The following SCAI variants were observed in gnomAD, a reference collection of about 807,000 sequenced individuals.
The protein encoded by SCAI is protein SCAI.
In SCAI, 24 loss-of-function variants were observed where a neutral mutation model predicts 92.2. The observed-to-expected ratio is 0.26, with a 90% CI of 0.19 to 0.37. SCAI has a LOEUF of 0.37. SCAI is among the 10% of genes least tolerant of loss of function. The pLI is 1.00. For missense variants in SCAI, 450 were observed against 736.2 expected, an observed-to-expected ratio of 0.61 and a Z score of 4.50; for synonymous variants, 261 against 258.6, an observed-to-expected ratio of 1.01 and a Z score of -0.09.
At chr9:125,054,499 C>A (rs1588181759) in intron 3 of SCAI, among the ~76,000 whole-genome samples, 3 of 144,214 alleles carry the variant, frequency 2.1e-5, no homozygotes, top group African/African-American at 2.6e-5. Flanking sequence ...TACTGGGTGC[C>A]AATTAAATGT....
intron 2 of SCAI, among the ~76,000 whole-genome samples, chr9:125,064,667 G>C (rs970979998): frequency 1.3e-5 from 2 of 152,062 alleles, no homozygotes; most frequent in African/African-American, 4.8e-5. Context: ...CCAACATAGT[G>C]AAATCCCGTC....
At chr9:124,992,734 C>T (rs1832154623) in intron 14 of SCAI, among the ~76,000 whole-genome samples, 1 of 152,142 alleles carries the variant, frequency 6.6e-6, no homozygotes, top group Non-Finnish European at 1.5e-5. Context: ...TTTATTTCTT[C>T]AGAGGAGTGA....
chr9:125,093,541 C>T (rs1834484403), intron 2 of SCAI, among the ~76,000 whole-genome samples: 1 of 151,616 alleles, frequency 6.6e-6, no homozygotes, highest in Non-Finnish European at 1.5e-5. Context: ...TGGCTTTACA[C>T]ACCAACTGGA....
chr9:125,021,265 G>A (rs1438532383), intron 6 of SCAI, among the ~76,000 whole-genome samples: 1 of 152,260 alleles, frequency 6.6e-6, no homozygotes, highest in East Asian at 1.9e-4. Flanking sequence ...AGGAAAATAT[G>A]ATCTCTGTGC....
Position 125,056,006 on chromosome 9 carries a change from T to C in SCAI, c.100A>G (p.Thr34Ala), listed in dbSNP as rs1833655926. Reference protein sequence around the residue: ...EKPPRKRRSRTEFALKEIMSS... With the variant: ...EKPPRKRRSRAEFALKEIMSS... ...ATGATTTCTTTAAGAGCAAATTCAG[T>C]CCTGTAAGAAAACATATGTTCATTC... Residue 34 changes from threonine (T) to alanine (A), a missense_variant and splice_region_variant, in exon 3 of 18, where the codon ACT becomes GCT. Transcript: ENST00000336505. 1 of 1,600,894 alleles carries C rather than the reference T, an allele frequency of 6.2e-7. No homozygotes were observed. Among genetic ancestry groups the C allele is most frequent in the East Asian group, 2.2e-5 (1 of 44,714 alleles).
At chr9:125,034,759 A>G (rs970932132) in intron 3 of SCAI, among the ~76,000 whole-genome samples, 6 of 151,884 alleles carry the variant, frequency 4.0e-5, no homozygotes, top group South Asian at 2.1e-4. Flanking sequence ...AAACAAACAA[A>G]CCCAAAAAAC....
chr9:124,978,822 A>G (rs1037166446), intron 14 of SCAI, among the ~76,000 whole-genome samples: 1 of 152,200 alleles, frequency 6.6e-6, no homozygotes. Context: ...AAAAAAGAAC[A>G]AAGAAGTTCT....
intron 9 of SCAI, among the ~76,000 whole-genome samples, chr9:125,007,442 C>T (rs1832534224): frequency 6.6e-6 from 1 of 152,022 alleles, no homozygotes; most frequent in Non-Finnish European, 1.5e-5. Flanking sequence ...ATAATCCCAA[C>T]ATTTGGGAGG....
At chr9:125,126,853 C>T (rs1835290649) in intron 2 of SCAI, among the ~76,000 whole-genome samples, 1 of 152,122 alleles carries the variant, frequency 6.6e-6, no homozygotes, top group Admixed American at 6.6e-5. Context: ...ATTAAGACAT[C>T]AATGGATGTT....
chr9:124,953,574 T>TGA (rs1388038545), intron 17 of SCAI, among the ~76,000 whole-genome samples: 3 of 151,972 alleles, frequency 2.0e-5, no homozygotes, highest in Admixed American at 2.0e-4. Flanking sequence ...TGCAGTGAGT[T>TGA]GAGATCACGC....
At chr9:125,086,117 T>C (rs896807820) in intron 2 of SCAI, among the ~76,000 whole-genome samples, 12 of 152,228 alleles carry the variant, frequency 7.9e-5, no homozygotes, top group African/African-American at 2.9e-4. Context: ...TAAAATACTT[T>C]GCTTATATAG....
chr9:124,993,102 C>T (rs970044775), intron 14 of SCAI, among the ~76,000 whole-genome samples: 13 of 152,238 alleles, frequency 8.5e-5, no homozygotes. Flanking sequence ...TCTGTCACAT[C>T]ACCAAACTGC....
At chr9:124,978,376 G>A (rs147557574) in intron 14 of SCAI, among the ~76,000 whole-genome samples, 4,458 of 152,300 alleles carry the variant, frequency 0.029, 176 homozygotes, top group Admixed American at 0.09. Context: ...GGGAAGCGGA[G>A]GCTGCAGGGA....
At position 124,947,836 on chromosome 9, in the gene SCAI, C is replaced by T. The variant is rs545926763; in HGVS notation, c.*4971G>A. 2.0e-4 allele frequency: 31 copies of T among 152,280 alleles called. No homozygotes were observed. Among genetic ancestry groups the T allele is most frequent in the African/African-American group, 7.2e-4 (30 of 41,562 alleles). 9.4% of individuals were successfully genotyped at this position (152,280 alleles called of 1,614,324 possible). A position where few individuals can be genotyped will look rare whatever the true frequency, so the allele number is the denominator to read the frequency against. On this transcript the variant is annotated 3_prime_UTR_variant, in exon 18 of 18. Transcript: ENST00000336505. Reference sequence around the variant, plus strand: ...ACATCACCAGGAGACTCATAGCATTCATATTCATATCAAATCTTTTACTCA... The same window carrying T: ...ACATCACCAGGAGACTCATAGCATTTATATTCATATCAAATCTTTTACTCA...
intron 3 of SCAI, among the ~76,000 whole-genome samples, chr9:125,047,553 G>C (rs1440971573): frequency 2.0e-5 from 3 of 152,168 alleles, no homozygotes; most frequent in Admixed American, 6.5e-5. Flanking sequence ...TATGTTGGAG[G>C]AGACAAAGAA....
intron 2 of SCAI, among the ~76,000 whole-genome samples, chr9:125,088,545 G>A (rs1004346340): frequency 6.6e-6 from 1 of 152,112 alleles, no homozygotes; most frequent in African/African-American, 2.4e-5. Context: ...ACAGGCTATA[G>A]TACTATGAGT....
chr9:125,114,526 A>G (rs1400970227), intron 2 of SCAI, among the ~76,000 whole-genome samples: 1 of 152,214 alleles, frequency 6.6e-6, no homozygotes, highest in African/African-American at 2.4e-5. Flanking sequence ...ACCATTTCAG[A>G]AAACAACTGT....
chr9:124,959,501 T>C (rs10986492), intron 17 of SCAI, among the ~76,000 whole-genome samples: 2 of 144,558 alleles, frequency 1.4e-5, no homozygotes, highest in African/African-American at 5.3e-5. Flanking sequence ...CACATATATA[T>C]ACACATATAT....
At chr9:125,072,893 G>A (rs564782079) in intron 2 of SCAI, among the ~76,000 whole-genome samples, 39 of 151,948 alleles carry the variant, frequency 2.6e-4, no homozygotes, top group African/African-American at 8.4e-4. Context: ...TGAATAATAC[G>A]CCCTTGTTTT....
Sources: allele counts gnomAD v4.1 joint callset (sites outside exome capture counted in the v4.1 genomes callset), GRCh38; gene constraint gnomAD v4.1.1; transcripts MANE v1.5; gene names NCBI Gene and HGNC (gene_info 2026-07-23, HGNC 2026-07-21).